ADGRB1: variants seen among roughly 807,000 people sequenced by gnomAD.
The protein encoded by ADGRB1 is adhesion G protein-coupled receptor B1.
In ADGRB1, 36 loss-of-function variants were observed where a neutral mutation model predicts 175.7. The ratio of observed to expected loss-of-function variants is 0.20; its 90% confidence interval spans 0.16 to 0.27. The LOEUF is 0.27. ADGRB1 is among the 10% of genes least tolerant of loss of function. The probability of loss-of-function intolerance (pLI) is 1.00; values close to 1 mark genes in which losing one functional copy is unlikely to be tolerated. For synonymous variants in ADGRB1, 1,054 were observed against 979.4 expected, an observed-to-expected ratio of 1.08 and a Z score of -1.42; for missense variants, 1,731 against 2,255.3, an observed-to-expected ratio of 0.77 and a Z score of 4.71.
chr8:142,477,723 G>T (rs933837805), intron 6 of ADGRB1, among the ~76,000 whole-genome samples, 174 bp downstream of exon 6: 16 of 152,228 alleles, frequency 1.1e-4, no homozygotes, highest in Non-Finnish European at 4.4e-5. Flanking sequence ...TGACCTTGGG[G>T]CATTTCCCAC....
At chr8:142,456,786 TG>T (rs1198033614) in intron 1 of ADGRB1, among the ~76,000 whole-genome samples, 1 of 152,228 alleles carries the variant, frequency 6.6e-6, no homozygotes, top group Non-Finnish European at 1.5e-5. Context: ...AGGCCTGGGT[TG>T]GGGCCTGCTC....
chr8:142,475,377 C>G (rs1840898787), intron 2 of ADGRB1, 97 bp from the exon 3 acceptor site: 1 of 1,191,730 alleles, frequency 8.4e-7, no homozygotes, highest in East Asian at 3.2e-5. Flanking sequence ...CCTCCCCACC[C>G]GGGCCGGCCT....
intron 9 of ADGRB1, 101 bp downstream of exon 9, chr8:142,479,895 G>A (rs1056860688): frequency 9.1e-6 from 12 of 1,312,172 alleles, no homozygotes; most frequent in African/African-American, 5.9e-5. Context: ...GCCCAGACAC[G>A]GAGCCCAGAC....
chr8:142,470,553 G>C (rs1840606995), intron 2 of ADGRB1, among the ~76,000 whole-genome samples: 1 of 151,906 alleles, frequency 6.6e-6, no homozygotes, highest in South Asian at 2.1e-4. Flanking sequence ...GTGTGTGTGT[G>C]TCCCTGCTTC....
rs1842755667 is a variant in ADGRB1 at position 142,504,281 on chromosome 8, C to A, written c.2676-6651C>A. 6.6e-6 allele frequency among the ~76,000 whole-genome samples: 1 copy of A among 152,130 alleles called. No homozygotes were observed. Among genetic ancestry groups the A allele is most frequent in the African/African-American group, 2.4e-5 (1 of 41,428 alleles). The stretch of plus-strand genomic sequence containing the variant: ...TTAGGGGAGGCAGTGGCTCCAGGAG[C>A]CCTGGAGGGGGAGGCTAATCACACA... On this transcript the variant is annotated intron_variant, in intron 17 of 30. Transcript: ENST00000517894. This position sits in a 1 kb window ranked among gnomAD's most constrained non-coding sequence, Gnocchi z 5.6.
At chr8:142,477,355 T>C (rs1410807954) in intron 5 of ADGRB1, 30 bp from the exon 6 acceptor site, 2 of 1,498,908 alleles carry the variant, frequency 1.3e-6, no homozygotes. Flanking sequence ...GTGGCCGCAG[T>C]GGGCAGCAGC....
rs1228575243 is a variant in ADGRB1, at chr8:142,469,597, GTGCACGTGCATGTGTGTGTA to G, written c.784+4633_784+4652del. 2.5e-3 allele frequency among the ~76,000 whole-genome samples: 367 copies of G among 144,192 alleles called. 1 individual carries two copies. The highest frequency in any genetic ancestry group is 8.6e-3 in the African/African-American group (330 of 38,168). The allele number at this position is 144,192 out of a possible 152,430, so 94.6% of individuals were successfully genotyped here. On this transcript the variant is annotated intron_variant, in intron 2 of 30. Coordinates refer to ENST00000517894, the MANE Select transcript of ADGRB1 (RefSeq NM_001702.3). ...CATGTGTGCATGTGTGAATGTGTGT[GTGCACGTGCATGTGTGTGTA>G]TGCACGTGCATGTGTGTATGTGCAC...
At chr8:142,530,495 T>C (rs1044297485) in intron 24 of ADGRB1, among the ~76,000 whole-genome samples, 3 of 152,152 alleles carry the variant, frequency 2.0e-5, no homozygotes, top group Admixed American at 2.0e-4. Flanking sequence ...CCCTCCTGCT[T>C]TGCTCCCTGA....
At chr8:142,526,695 G>T (rs1844222860) in intron 24 of ADGRB1, 68 bp downstream of exon 24, 2 of 1,471,568 alleles carry the variant, frequency 1.4e-6, no homozygotes, top group Non-Finnish European at 9.3e-7. Context: ...CCAGCCCCGG[G>T]GGATGGAGAA....
intron 1 of ADGRB1, among the ~76,000 whole-genome samples, chr8:142,457,554 G>A (rs553756523): frequency 3.3e-5 from 5 of 151,982 alleles, no homozygotes; most frequent in African/African-American, 9.7e-5. Context: ...CAGGGGGTCC[G>A]ACCCTGCTGG....
intron 17 of ADGRB1, among the ~76,000 whole-genome samples, chr8:142,494,232 A>G (rs1842112343): frequency 6.6e-6 from 1 of 152,092 alleles, no homozygotes; most frequent in Admixed American, 6.5e-5. Flanking sequence ...CTGTTCACAC[A>G]CTGAGTTCTG....
rs1563678930 is a variant in ADGRB1, at chr8:142,464,306, G to C, written c.108G>C (p.Ala36=). Residue 36 remains alanine (A), a synonymous_variant, in exon 2 of 31, where the codon GCG becomes GCC. Transcript: ENST00000517894. ...CGCGGGCGGCCGCCGGAGCAGACGC[G>C]GGGCCCGGGCCCGAGCCGTGCGCCA... ...RRARAAAGAD[A]GPGPEPCATL... The C allele has an allele frequency of 2.8e-6, 4 of 1,403,810 alleles. No homozygotes were observed. Among genetic ancestry groups the C allele is most frequent in the South Asian group, 1.6e-5 (1 of 64,192 alleles). The allele number at this position is 1,403,810 out of a possible 1,614,324, so 87.0% of individuals were successfully genotyped here. A position where few individuals can be genotyped will look rare whatever the true frequency, so the allele number is the denominator to read the frequency against.
At chr8:142,463,664 C>T (rs1162281313) in intron 1 of ADGRB1, among the ~76,000 whole-genome samples, 2 of 152,244 alleles carry the variant, frequency 1.3e-5, no homozygotes, top group Non-Finnish European at 2.9e-5. Flanking sequence ...CGCCAGGCTG[C>T]GTGGGCAAAG....
intron 13 of ADGRB1, among the ~76,000 whole-genome samples, chr8:142,486,215 C>G (rs1841662050): frequency 6.6e-6 from 1 of 152,232 alleles, no homozygotes; most frequent in African/African-American, 2.4e-5. Flanking sequence ...ACATCCCTCC[C>G]TCACTCAGCT....
chr8:142,477,326 G>GGCCAAGGCAGCGGACT, intron 5 of ADGRB1, 48 bp downstream of exon 5: 9 of 1,586,536 alleles, frequency 5.7e-6, no homozygotes, highest in Non-Finnish European at 7.7e-6. Context: ...GGCAGCGGGG[G>GGCCAAGGCAGCGGACT]GCCAGGGCAG....
chr8:142,479,291 G>A (rs376978424), intron 7 of ADGRB1, 32 bp from the exon 8 acceptor site: 132 of 1,453,750 alleles, frequency 9.1e-5, no homozygotes, highest in Middle Eastern at 5.5e-4. Context: ...CCTTCTTGTC[G>A]CCTGTGCCCT....
chr8:142,519,492 G>A (rs1162042549), intron 19 of ADGRB1, among the ~76,000 whole-genome samples: 1 of 152,038 alleles, frequency 6.6e-6, no homozygotes, highest in Non-Finnish European at 1.5e-5. Context: ...GGTGGTCCTG[G>A]TGGTGGTGTT....
chr8:142,495,654 C>T (rs1298683970), intron 17 of ADGRB1, among the ~76,000 whole-genome samples: 1 of 151,998 alleles, frequency 6.6e-6, no homozygotes, highest in Non-Finnish European at 1.5e-5. Flanking sequence ...CCAGTCTCTG[C>T]TGCTGTCTTT....
At chr8:142,469,613 GTGTA>G (rs1840526180) in intron 2 of ADGRB1, among the ~76,000 whole-genome samples, 1 of 133,256 alleles carries the variant, frequency 7.5e-6, no homozygotes, top group African/African-American at 3.1e-5. Flanking sequence ...GTGCATGTGT[GTGTA>G]TGCACGTGCA....
Sources: allele counts gnomAD v4.1 joint callset (sites outside exome capture counted in the v4.1 genomes callset), GRCh38; gene constraint gnomAD v4.1.1; non-coding constraint Gnocchi (gnomAD v3.1); transcripts MANE v1.5; gene names NCBI Gene and HGNC (gene_info 2026-07-23, HGNC 2026-07-21).